Variants in ARHGAP26 observed in about 807,000 individuals in gnomAD.
The protein encoded by ARHGAP26 is Rho GTPase activating protein 26, also known as rho GTPase-activating protein 26.
ARHGAP26 carries 38 observed loss-of-function variants against 104.8 expected under a neutral mutation model. That is an observed-to-expected ratio of 0.36 (90% CI 0.28 to 0.48). The LOEUF is 0.48. ARHGAP26 is among the 20% of genes least tolerant of loss of function. The pLI is 0.99. For missense variants in ARHGAP26, 704 were observed against 947.9 expected (o/e 0.74, Z 3.38); for synonymous variants, 341 against 340.0 (o/e 1.00, Z -0.03).
At chr5:143,180,768 A>C (rs1050375663) in intron 20 of ARHGAP26, among the ~76,000 whole-genome samples, 8 of 152,158 alleles carry the variant, frequency 5.3e-5, no homozygotes, top group African/African-American at 1.9e-4. Context: ...CTCCCTAGAC[A>C]TGTGGGAATT....
At chr5:142,953,743 A>T (rs934196251) in intron 11 of ARHGAP26, among the ~76,000 whole-genome samples, 5 of 152,202 alleles carry the variant, frequency 3.3e-5, no homozygotes, top group African/African-American at 1.2e-4. Flanking sequence ...GAGACCAACC[A>T]AAAGAATTTT....
chr5:142,961,219 G>A (rs1388445148), intron 11 of ARHGAP26, among the ~76,000 whole-genome samples: 1 of 152,136 alleles, frequency 6.6e-6, no homozygotes, highest in African/African-American at 2.4e-5. Flanking sequence ...CGCTGGGCAC[G>A]GTGGCTCATG....
chr5:143,194,099 T>A (rs1483387108), intron 20 of ARHGAP26: 1 of 152,116 alleles, frequency 6.6e-6, no homozygotes, highest in African/African-American at 2.4e-5. Context: ...GAAAAGAACT[T>A]CTCCAAGTGA....
intron 11 of ARHGAP26, among the ~76,000 whole-genome samples, chr5:143,007,249 G>A (rs1043008678): frequency 2.0e-5 from 3 of 150,498 alleles, no homozygotes; most frequent in African/African-American, 4.9e-5. Flanking sequence ...AGTGTTTGCC[G>A]AGCATTCTAA....
intron 20 of ARHGAP26, among the ~76,000 whole-genome samples, chr5:143,197,322 C>T (rs76670768): frequency 6.6e-6 from 1 of 152,074 alleles, no homozygotes; most frequent in African/African-American, 2.4e-5. Flanking sequence ...TAGCAATTTA[C>T]ACCCCTCCTG....
At chr5:142,964,785 C>T (rs975121777) in intron 11 of ARHGAP26, among the ~76,000 whole-genome samples, 4 of 152,162 alleles carry the variant, frequency 2.6e-5, no homozygotes, top group Admixed American at 1.3e-4. Context: ...GGGCCAGCCT[C>T]ACAGGGTCGG....
chr5:143,110,831 C>T (rs1038331587), intron 17 of ARHGAP26, among the ~76,000 whole-genome samples: 1 of 152,132 alleles, frequency 6.6e-6, no homozygotes, highest in African/African-American at 2.4e-5. Context: ...CCATCTGCAC[C>T]CTGTGGACTG....
At chr5:142,806,050 A>T (rs1187119317) in intron 1 of ARHGAP26, among the ~76,000 whole-genome samples, 1 of 152,172 alleles carries the variant, frequency 6.6e-6, no homozygotes, top group Admixed American at 6.5e-5. Context: ...TGTGTGTCTT[A>T]TTCTTGGAGT....
Position 142,894,282 on chromosome 5 carries a change from A to G in ARHGAP26, c.531A>G (p.Val177=), listed in dbSNP as rs1429293397. Residue 177 remains valine, a synonymous_variant, in exon 6 of 23, where the codon GTA becomes GTG. Coordinates refer to ENST00000645722, the MANE Select transcript of ARHGAP26 (RefSeq NM_001135608.3). ...VDLVRQHFYE[V]SLEYVFKVQE... ...TGGTCCGGCAGCATTTCTATGAAGT[A>G]TCCCTGGAATATGTCTTCAAGGTGC... The G allele has an allele frequency of 3.1e-6, 5 of 1,613,994 alleles. No homozygotes were observed. The Admixed American group carries it at 6.7e-5, about 22-fold the overall frequency.
At chr5:142,812,723 C>T (rs1327625076) in intron 1 of ARHGAP26, among the ~76,000 whole-genome samples, 5 of 151,798 alleles carry the variant, frequency 3.3e-5, no homozygotes, top group African/African-American at 4.8e-5. Context: ...ATTTTTTTAG[C>T]GATGGGGTCT....
chr5:142,862,210 A>G (rs1753490837), intron 1 of ARHGAP26, among the ~76,000 whole-genome samples: 1 of 152,158 alleles, frequency 6.6e-6, no homozygotes, highest in Admixed American at 6.5e-5. Flanking sequence ...GCTTGCCCAA[A>G]TTTGTTCAGG....
intron 20 of ARHGAP26, among the ~76,000 whole-genome samples, chr5:143,162,109 AT>A (rs1316444141): frequency 6.6e-6 from 1 of 151,846 alleles, no homozygotes; most frequent in Non-Finnish European, 1.5e-5. Flanking sequence ...CACAAGAGAG[AT>A]TTCTTCAAAT....
At chr5:143,025,075 G>A (rs565859202) in intron 12 of ARHGAP26, among the ~76,000 whole-genome samples, 1 of 152,182 alleles carries the variant, frequency 6.6e-6, no homozygotes, top group African/African-American at 2.4e-5. Context: ...TAAATGTTGC[G>A]CTTTATTCTT....
intron 20 of ARHGAP26, among the ~76,000 whole-genome samples, chr5:143,153,721 T>C (rs1198509838): frequency 6.6e-6 from 1 of 152,198 alleles, no homozygotes; most frequent in Non-Finnish European, 1.5e-5. Flanking sequence ...TCCCCACCCC[T>C]AAAAAATAAC....
chr5:143,041,016 A>G (rs976074638), intron 13 of ARHGAP26, among the ~76,000 whole-genome samples: 1 of 152,364 alleles, frequency 6.6e-6, no homozygotes, highest in Admixed American at 6.5e-5. Context: ...AAGAATGGAC[A>G]TCAGAGGAAT....
At chr5:142,923,221 T>C (rs561760538) in intron 10 of ARHGAP26, among the ~76,000 whole-genome samples, 94 of 152,300 alleles carry the variant, frequency 6.2e-4, no homozygotes, top group Non-Finnish European at 9.6e-4. Context: ...TACTCTTTAG[T>C]CTGCCTGGTG....
intron 18 of ARHGAP26, among the ~76,000 whole-genome samples, chr5:143,122,229 A>G (rs1427525496): frequency 6.6e-6 from 1 of 152,056 alleles, no homozygotes; most frequent in Admixed American, 6.6e-5. Context: ...TTTTACTGTT[A>G]CTACCTGATC....
Position 142,781,242 on chromosome 5 carries a change from T to G in ARHGAP26, c.154+10327T>G, listed in dbSNP as rs78902576. On this transcript the variant is annotated intron_variant, in intron 1 of 22. Coordinates refer to ENST00000645722, the MANE Select transcript of ARHGAP26 (RefSeq NM_001135608.3). Reference sequence around the variant, plus strand: ...AGTCATGTGAAGGGTACCTCTGTTATTTTTGCCCCACCTCACCACCCTTTA... The same window carrying G: ...AGTCATGTGAAGGGTACCTCTGTTAGTTTTGCCCCACCTCACCACCCTTTA... Among the ~76,000 whole-genome samples the G allele has an allele frequency of 2.6e-5, 4 of 152,278 alleles. No individual in the cohort carries two copies. In the East Asian group the frequency reaches 7.7e-4, roughly 29 times the overall value.
At chr5:142,854,318 C>A (rs1481267555) in intron 1 of ARHGAP26, among the ~76,000 whole-genome samples, 13 of 152,206 alleles carry the variant, frequency 8.5e-5, no homozygotes, top group Non-Finnish European at 1.8e-4. Flanking sequence ...TTCCTCTCCA[C>A]CATATTCTTT....
Sources: allele counts gnomAD v4.1 joint callset (sites outside exome capture counted in the v4.1 genomes callset), GRCh38; gene constraint gnomAD v4.1.1; transcripts MANE v1.5; gene names NCBI Gene and HGNC (gene_info 2026-07-23, HGNC 2026-07-21).